TENM4: variants seen among roughly 807,000 people sequenced by gnomAD.
TENM4 encodes the protein teneurin transmembrane protein 4, also known as teneurin-4.
A neutral mutation model predicts 243.3 loss-of-function variants in TENM4; 82 were observed. That is an observed-to-expected ratio of 0.34 (90% CI 0.28 to 0.40). The LOEUF is 0.40. Among genes scored for constraint, TENM4 ranks in the 10% least tolerant of loss-of-function variants. TENM4 has a pLI of 1.00. For missense variants in TENM4, 3,138 were observed against 3,673.3 expected (o/e 0.85, Z 3.77); for synonymous variants, 1,412 against 1,456.3 (o/e 0.97, Z 0.69).
At chr11:78,792,602 A>T (rs1381112558) in intron 15 of TENM4, among the ~76,000 whole-genome samples, 1 of 152,164 alleles carries the variant, frequency 6.6e-6, no homozygotes, top group Admixed American at 6.5e-5. Flanking sequence ...GGGAAGATCA[A>T]TGTGGTCCCC....
intron 1 of TENM4, among the ~76,000 whole-genome samples, chr11:79,375,533 G>A (rs1348507527): frequency 6.6e-6 from 1 of 152,164 alleles, no homozygotes; most frequent in Non-Finnish European, 1.5e-5. Flanking sequence ...TAGAGTGAAT[G>A]TATGATTATC....
intron 2 of TENM4, among the ~76,000 whole-genome samples, chr11:79,222,405 ATTGATGGGCAT>A (rs1387353589): frequency 6.6e-6 from 1 of 152,120 alleles, no homozygotes; most frequent in Non-Finnish European, 1.5e-5. Context: ...CCAGTCTATC[ATTGATGGGCAT>A]TTGGGTTGGT....
Position 78,779,963 on chromosome 11 carries a change from G to A in TENM4, c.2366-1335C>T, listed in dbSNP as rs141404770. On this transcript the variant is annotated intron_variant, in intron 16 of 33. Transcript: ENST00000278550. ...GATGAGAGGCTGTGTTCTTAGTTCAGGTATCCGTGTGGTCTCTGGTTCAAG... is the reference window on the plus strand; with the variant it reads ...GATGAGAGGCTGTGTTCTTAGTTCAAGTATCCGTGTGGTCTCTGGTTCAAG... Among the ~76,000 whole-genome samples the A allele has an allele frequency of 4.6e-3, 704 of 152,344 alleles. 4 individuals carry two copies. Among genetic ancestry groups the A allele is most frequent in the African/African-American group, 0.016 (648 of 41,570 alleles).
chr11:78,781,988 TTC>T (rs1856846539), intron 16 of TENM4, among the ~76,000 whole-genome samples: 2 of 152,192 alleles, frequency 1.3e-5, no homozygotes, highest in Non-Finnish European at 2.9e-5. Context: ...CCTGTACATT[TTC>T]TCTTTCTCCT....
intron 1 of TENM4, among the ~76,000 whole-genome samples, chr11:79,417,938 G>T (rs915153621): frequency 3.9e-5 from 6 of 152,264 alleles, no homozygotes; most frequent in Admixed American, 2.6e-4. Flanking sequence ...CTGACCTCCA[G>T]GCAGATCTTG....
intron 6 of TENM4, among the ~76,000 whole-genome samples, chr11:78,951,862 G>A (rs773696176): frequency 1.3e-5 from 2 of 152,160 alleles, no homozygotes; most frequent in Non-Finnish European, 2.9e-5. Context: ...GTCCATAGGA[G>A]CCCTATAGAT....
chr11:79,146,572 C>T (rs1862398684), intron 4 of TENM4, among the ~76,000 whole-genome samples: 1 of 151,974 alleles, frequency 6.6e-6, no homozygotes, highest in Non-Finnish European at 1.5e-5. Flanking sequence ...GGGGCATGGT[C>T]TTATGGAACC....
intron 6 of TENM4, among the ~76,000 whole-genome samples, chr11:78,962,452 G>A (rs567891961): frequency 4.0e-5 from 6 of 150,820 alleles, no homozygotes; most frequent in African/African-American, 9.8e-5. Flanking sequence ...ACTCATCAAC[G>A]GGAAGGGGGG....
At chr11:78,802,152 C>G (rs1857293410) in intron 15 of TENM4, among the ~76,000 whole-genome samples, 1 of 152,192 alleles carries the variant, frequency 6.6e-6, no homozygotes, top group Admixed American at 6.5e-5. Flanking sequence ...CGAGGCATTC[C>G]TTGCATAGCT....
intron 6 of TENM4, among the ~76,000 whole-genome samples, chr11:79,049,705 C>A (rs181856388): frequency 7.2e-5 from 11 of 152,310 alleles, no homozygotes; most frequent in African/African-American, 2.2e-4. Context: ...TATTTCCTTC[C>A]GGGAGATTGG....
At chr11:78,915,817 C>A (rs1856302175) in intron 6 of TENM4, among the ~76,000 whole-genome samples, 1 of 152,050 alleles carries the variant, frequency 6.6e-6, no homozygotes, top group Non-Finnish European at 1.5e-5. Flanking sequence ...GAGGTGAATT[C>A]TCATCCATCA....
At chr11:79,124,314 G>A (rs1040417481) in intron 4 of TENM4, among the ~76,000 whole-genome samples, 5 of 152,034 alleles carry the variant, frequency 3.3e-5, no homozygotes, top group Admixed American at 2.0e-4. Flanking sequence ...GAGTCAGTGG[G>A]CTGGGAAAGG....
chr11:79,256,614 G>T (rs1395532866), intron 2 of TENM4, among the ~76,000 whole-genome samples: 1 of 152,188 alleles, frequency 6.6e-6, no homozygotes, highest in Non-Finnish European at 1.5e-5. Flanking sequence ...GAGTTCAAAG[G>T]GTTCAGAGGC....
At chr11:79,052,712 G>A (rs560389023) in intron 6 of TENM4, among the ~76,000 whole-genome samples, 47 of 152,290 alleles carry the variant, frequency 3.1e-4, no homozygotes, top group Non-Finnish European at 5.6e-4. Flanking sequence ...TCTTGGGGTC[G>A]CCATCTGCTG....
At chr11:78,939,467 A>G (rs932684856) in intron 6 of TENM4, among the ~76,000 whole-genome samples, 2 of 152,230 alleles carry the variant, frequency 1.3e-5, no homozygotes, top group African/African-American at 4.8e-5. Context: ...TCATTCCTTG[A>G]TATCTTTGTG....
At chr11:79,096,928 G>GCGCACACA (rs1491382120) in intron 4 of TENM4, 1,579 of 133,968 alleles carry the variant, frequency 0.012, 19 homozygotes, top group African/African-American at 0.03. Context: ...GCGCGCGCGC[G>GCGCACACA]CACACACACA....
At chr11:78,731,212 A>T (rs951902449) in intron 21 of TENM4, among the ~76,000 whole-genome samples, 12 of 152,310 alleles carry the variant, frequency 7.9e-5, no homozygotes, top group African/African-American at 2.4e-4. Flanking sequence ...GAGCTGAGCC[A>T]GGGTTGAGTA....
At chr11:78,824,297 G>C (rs1199435500) in intron 12 of TENM4, among the ~76,000 whole-genome samples, 1 of 152,124 alleles carries the variant, frequency 6.6e-6, no homozygotes, top group African/African-American at 2.4e-5. Flanking sequence ...AGGCATGGTG[G>C]AAGGTGAAGT....
intron 1 of TENM4, among the ~76,000 whole-genome samples, chr11:79,363,691 G>C (rs897182596): frequency 1.3e-5 from 2 of 152,228 alleles, no homozygotes; most frequent in Non-Finnish European, 2.9e-5. Context: ...GGAAAAGATT[G>C]AGCTGGGGGA....
Sources: allele counts gnomAD v4.1 joint callset (sites outside exome capture counted in the v4.1 genomes callset), GRCh38; gene constraint gnomAD v4.1.1; transcripts MANE v1.5; gene names NCBI Gene and HGNC (gene_info 2026-07-23, HGNC 2026-07-21).